CTTNBP2: variants seen among roughly 807,000 people sequenced by gnomAD.
The protein encoded by CTTNBP2 is cortactin binding protein 2, also known as cortactin-binding protein 2.
In CTTNBP2, 108 loss-of-function variants were observed where a neutral mutation model predicts 156.9. The observed-to-expected ratio is 0.69, with a 90% CI of 0.59 to 0.81. CTTNBP2 has a LOEUF of 0.81. Among genes scored for constraint, CTTNBP2 ranks in the 30% least tolerant of loss-of-function variants. CTTNBP2 has a pLI of 0.00. For synonymous variants in CTTNBP2, 767 were observed against 751.8 expected, an observed-to-expected ratio of 1.02 and a Z score of -0.33; for missense variants, 1,924 against 2,035.4, an observed-to-expected ratio of 0.95 and a Z score of 1.05.
At chr7:117,821,404 A>C (rs1037731827) in intron 2 of CTTNBP2, among the ~76,000 whole-genome samples, 4 of 151,348 alleles carry the variant, frequency 2.6e-5, no homozygotes, top group African/African-American at 9.7e-5. Context: ...ATCACTTTGA[A>C]GTTCTTTACT....
chr7:117,851,613 T>G (rs1420526045), intron 2 of CTTNBP2, among the ~76,000 whole-genome samples: 1 of 152,230 alleles, frequency 6.6e-6, no homozygotes, highest in Non-Finnish European at 1.5e-5. Context: ...TTGTCAACTG[T>G]CTGAAATCTA....
At chr7:117,814,805 T>A (rs977197104) in intron 2 of CTTNBP2, among the ~76,000 whole-genome samples, 5 of 152,336 alleles carry the variant, frequency 3.3e-5, no homozygotes, top group African/African-American at 1.2e-4. Flanking sequence ...TACATTAGAT[T>A]CCTTTAAGGG....
At chr7:117,742,688 C>T (rs539103577) in intron 14 of CTTNBP2, among the ~76,000 whole-genome samples, 15 of 152,256 alleles carry the variant, frequency 9.9e-5, no homozygotes, top group Admixed American at 3.3e-4. Context: ...CAGGATGTGA[C>T]GATGGACTGT....
chr7:117,784,686 T>G (rs934557514), intron 4 of CTTNBP2, among the ~76,000 whole-genome samples: 3 of 152,228 alleles, frequency 2.0e-5, no homozygotes, highest in Non-Finnish European at 4.4e-5. Context: ...AAAATTATTT[T>G]TAGTCATGAG....
At chr7:117,834,903 A>G (rs1457269991) in intron 2 of CTTNBP2, among the ~76,000 whole-genome samples, 1 of 152,252 alleles carries the variant, frequency 6.6e-6, no homozygotes, top group Non-Finnish European at 1.5e-5. Flanking sequence ...AAAACAAAAT[A>G]ATTCTGGCCC....
At chr7:117,832,958 T>C (rs925555939) in intron 2 of CTTNBP2, among the ~76,000 whole-genome samples, 2 of 151,926 alleles carry the variant, frequency 1.3e-5, no homozygotes, top group Non-Finnish European at 2.9e-5. Flanking sequence ...AGTTTCACTA[T>C]GTTGGCTAGG....
At chr7:117,868,624 A>C (rs939213032) in intron 1 of CTTNBP2, among the ~76,000 whole-genome samples, 1 of 152,190 alleles carries the variant, frequency 6.6e-6, no homozygotes. Flanking sequence ...TATCGATGTC[A>C]TCATCATCGT....
chr7:117,717,744 GAA>G (rs139772053), intron 22 of CTTNBP2, among the ~76,000 whole-genome samples: 17 of 127,794 alleles, frequency 1.3e-4, no homozygotes, highest in African/African-American at 3.8e-4. Context: ...CATATAAAAT[GAA>G]AAAAAAAAAA....
intron 22 of CTTNBP2, among the ~76,000 whole-genome samples, chr7:117,715,087 T>C (rs1733382388): frequency 6.6e-6 from 1 of 152,278 alleles, no homozygotes; most frequent in Non-Finnish European, 1.5e-5. Context: ...ACACAGCATC[T>C]ACTAGAAGCT....
rs531080279 is a variant in CTTNBP2 at position 117,741,924 on chromosome 7, G to T, written c.3535+3907C>A. On this transcript the variant is annotated intron_variant, in intron 14 of 22. Transcript: ENST00000160373. ...CCAATTTATTCAAAAAATAATTATT[G>T]ACAATTTATATGCAAGCTAAGAGAA... Among the ~76,000 whole-genome samples, 4 of 152,166 alleles carry T rather than the reference G, an allele frequency of 2.6e-5. No individual in the cohort carries two copies. The South Asian group carries it at 8.3e-4, about 32-fold the overall frequency.
At chr7:117,723,758 T>C (rs1415178369) in intron 19 of CTTNBP2, among the ~76,000 whole-genome samples, 1 of 151,126 alleles carries the variant, frequency 6.6e-6, no homozygotes, top group African/African-American at 2.4e-5. Context: ...GGATCTTTTT[T>C]TTTTTTTTTT....
chr7:117,716,228 G>GTACTACTTTT (rs1313996266), intron 22 of CTTNBP2, among the ~76,000 whole-genome samples: 1 of 123,338 alleles, frequency 8.1e-6, no homozygotes, highest in African/African-American at 3.0e-5. Context: ...TTGACTTTCA[G>GTACTACTTTT]TACTACTTTT....
At chr7:117,797,120 C>T (rs1031108030) in intron 3 of CTTNBP2, among the ~76,000 whole-genome samples, 1 of 152,170 alleles carries the variant, frequency 6.6e-6, no homozygotes, top group Non-Finnish European at 1.5e-5. Flanking sequence ...AAGTACAATG[C>T]ACTGGTGATA....
intron 8 of CTTNBP2, among the ~76,000 whole-genome samples, chr7:117,768,581 A>AAAAAAAAAAGAAAG (rs1554419704): frequency 3.4e-4 from 34 of 99,114 alleles, no homozygotes; most frequent in African/African-American, 7.1e-4. Context: ...AAAAAAAAAA[A>AAAAAAAAAAGAAAG]AAAGAAAGAA....
At chr7:117,865,333 T>G (rs1017507969) in intron 1 of CTTNBP2, among the ~76,000 whole-genome samples, 5 of 151,816 alleles carry the variant, frequency 3.3e-5, no homozygotes, top group Admixed American at 1.3e-4. Flanking sequence ...ATCCAGCTAT[T>G]TTTTAGTGAT....
chr7:117,842,743 G>T (rs1034931894), intron 2 of CTTNBP2, among the ~76,000 whole-genome samples: 3 of 151,464 alleles, frequency 2.0e-5, no homozygotes, highest in Admixed American at 1.3e-4. Flanking sequence ...ACAAAACCAA[G>T]AAATTATTTC....
Position 117,792,932 on chromosome 7 carries a change from A to T in CTTNBP2, c.415-151T>A. On this transcript the variant is annotated intron_variant, in intron 3 of 22. Coordinates refer to ENST00000160373, the MANE Select transcript of CTTNBP2 (RefSeq NM_033427.3). This position sits in a 1 kb window ranked among gnomAD's most constrained non-coding sequence, Gnocchi z 4.2. ...CATTTTCAAAAAGTGTTGTGATAAG[A>T]AATATTTTAAAGACACATTAAAATG... 1 of 529,282 alleles carries T rather than the reference A, an allele frequency of 1.9e-6. No homozygotes were observed. The highest frequency in any genetic ancestry group is 3.1e-6 in the Non-Finnish European group (1 of 319,376). The allele number at this position is 529,282 out of a possible 1,614,324, so 32.8% of individuals were successfully genotyped here.
chr7:117,788,659 C>T (rs1449998845), intron 4 of CTTNBP2, among the ~76,000 whole-genome samples: 6 of 152,262 alleles, frequency 3.9e-5, no homozygotes, highest in Middle Eastern at 3.4e-3. Context: ...AGTTGAAATC[C>T]TCTATCTTAT....
chr7:117,739,093 G>C (rs75746109), intron 14 of CTTNBP2, among the ~76,000 whole-genome samples: 146 of 152,288 alleles, frequency 9.6e-4, no homozygotes, highest in African/African-American at 3.4e-3. Context: ...CATTGCCTCA[G>C]TTTTTCATTA....
Sources: gnomAD v4.1 joint callset for allele counts (sites outside exome capture counted in the v4.1 genomes callset) on GRCh38, gnomAD v4.1.1 for gene constraint, Gnocchi (gnomAD v3.1) non-coding constraint, MANE v1.5 for transcripts, NCBI Gene and HGNC (gene_info 2026-07-23, HGNC 2026-07-21) for gene names.